Variants in RANBP17 observed in about 807,000 individuals in gnomAD.
The protein encoded by RANBP17 is RAN binding protein 17, also known as ran-binding protein 17.
A neutral mutation model predicts 141.2 loss-of-function variants in RANBP17; 158 were observed. The ratio of observed to expected loss-of-function variants is 1.12; its 90% confidence interval spans 0.98 to 1.28. The LOEUF is 1.28. Ranked by LOEUF, RANBP17 falls within the 50% of genes most tolerant of loss-of-function variation. RANBP17 has a pLI of 0.00. For missense variants in RANBP17, 1,438 were observed against 1,290.7 expected (o/e 1.11, Z -1.75); for synonymous variants, 430 against 450.0 (o/e 0.96, Z 0.56).
chr5:170,952,265 A>G (rs1253083632), intron 12 of RANBP17, among the ~76,000 whole-genome samples: 1 of 152,038 alleles, frequency 6.6e-6, no homozygotes, highest in Non-Finnish European at 1.5e-5. Flanking sequence ...CATGAATTGT[A>G]TGTCATGAAA....
At chr5:170,874,298 T>C (rs1387601045) in intron 1 of RANBP17, among the ~76,000 whole-genome samples, 2 of 152,072 alleles carry the variant, frequency 1.3e-5, no homozygotes, top group Admixed American at 6.5e-5. Context: ...ACTAGAAGAA[T>C]GTATATTCTG....
At chr5:171,024,275 T>C (rs1213798095) in intron 14 of RANBP17, among the ~76,000 whole-genome samples, 1 of 152,054 alleles carries the variant, frequency 6.6e-6, no homozygotes, top group Non-Finnish European at 1.5e-5. Context: ...AACATGAAAT[T>C]GCTGAGGTGG....
rs138575643 is a variant in RANBP17 at position 171,010,491 on chromosome 5, G to A, written c.1710+42114G>A. 2.0e-4 allele frequency among the ~76,000 whole-genome samples: 31 copies of A among 152,184 alleles called. No homozygotes were observed. In the East Asian group the frequency reaches 5.0e-3, roughly 25 times the overall value. ...CTGGAGGAAGCTAATACAATACAGAGTTCCAAGATTATATGAAGTGCCCAG... is the reference window on the plus strand; with the variant it reads ...CTGGAGGAAGCTAATACAATACAGAATTCCAAGATTATATGAAGTGCCCAG... On this transcript the variant is annotated intron_variant, in intron 14 of 27. Transcript: ENST00000523189.
chr5:171,173,498 G>T (rs1760237083), intron 16 of RANBP17, among the ~76,000 whole-genome samples: 1 of 151,998 alleles, frequency 6.6e-6, no homozygotes, highest in South Asian at 2.1e-4. Flanking sequence ...CATGTCTTCA[G>T]ATACTTTCTG....
At chr5:171,251,618 G>A (rs1002640624) in intron 24 of RANBP17, among the ~76,000 whole-genome samples, 1 of 151,998 alleles carries the variant, frequency 6.6e-6, no homozygotes. Flanking sequence ...TATAGTAAAA[G>A]CAGTGCTAAG....
At chr5:170,936,626 A>G (rs1773900660) in intron 12 of RANBP17, among the ~76,000 whole-genome samples, 1 of 152,158 alleles carries the variant, frequency 6.6e-6, no homozygotes, top group Non-Finnish European at 1.5e-5. Flanking sequence ...ATTTATTAAG[A>G]CTTGTCATAT....
rs188252604 is a variant in RANBP17 at position 171,265,706 on chromosome 5, T to C, written c.2802T>C (p.Cys934=). The C allele has an allele frequency of 1.1e-5, 17 of 1,613,610 alleles. No individual in the cohort carries two copies. In the East Asian group the frequency reaches 3.3e-4, roughly 32 times the overall value. ...ATACAGTTGTCTCCTCCAGCTGCTGTACCAGTTTAGACTACATCGTCACCT... is the reference window on the plus strand; with the variant it reads ...ATACAGTTGTCTCCTCCAGCTGCTGCACCAGTTTAGACTACATCGTCACCT... The part of the protein sequence containing the change: ...TLDTVVSSSC[C]TSLDYIVTYL... Residue 934 remains cysteine, a synonymous_variant, in exon 25 of 28, where the codon TGT becomes TGC. Coordinates refer to ENST00000523189, the MANE Select transcript of RANBP17 (RefSeq NM_022897.5).
chr5:170,985,885 C>A (rs1388106418), intron 14 of RANBP17, among the ~76,000 whole-genome samples: 1 of 152,036 alleles, frequency 6.6e-6, no homozygotes, highest in Non-Finnish European at 1.5e-5. Flanking sequence ...GGAGTGTATA[C>A]CTATGCTAGT....
intron 19 of RANBP17, among the ~76,000 whole-genome samples, chr5:171,201,421 C>A (rs1732106695): frequency 6.6e-6 from 1 of 152,208 alleles, no homozygotes; most frequent in South Asian, 2.1e-4. Flanking sequence ...AAGTGAGTAA[C>A]CTGAGAACTG....
intron 14 of RANBP17, among the ~76,000 whole-genome samples, chr5:171,039,747 C>G (rs1419149084): frequency 6.6e-6 from 1 of 152,042 alleles, no homozygotes; most frequent in Non-Finnish European, 1.5e-5. Flanking sequence ...TTATGAACAC[C>G]CCTGTTCACA....
intron 14 of RANBP17, among the ~76,000 whole-genome samples, chr5:171,038,978 T>A (rs1390535227): frequency 6.6e-6 from 1 of 152,102 alleles, no homozygotes; most frequent in Non-Finnish European, 1.5e-5. Flanking sequence ...ATTCCACCAT[T>A]TATGGGCACC....
intron 14 of RANBP17, among the ~76,000 whole-genome samples, chr5:171,089,753 C>A (rs1043057005): frequency 7.2e-5 from 11 of 152,038 alleles, no homozygotes; most frequent in Non-Finnish European, 1.6e-4. Context: ...TTCTTTGACT[C>A]GGAAAGGGAA....
intron 1 of RANBP17, among the ~76,000 whole-genome samples, chr5:170,865,088 A>G (rs1767130707): frequency 2.0e-5 from 3 of 151,900 alleles, no homozygotes; most frequent in Admixed American, 2.0e-4. Context: ...GTTTTTTGAG[A>G]CAGAATCTTG....
intron 25 of RANBP17, chr5:171,271,071 ATTTCTTTTTTTTTT>A (rs1767074852): frequency 4.1e-5 from 1 of 24,196 alleles, no homozygotes; most frequent in Non-Finnish European, 7.6e-5. Flanking sequence ...TTTTTATGTT[ATTTCTTTTTTTTTT>A]TTTTTTTTTT....
At chr5:171,240,155 AT>A (rs1764777627) in intron 22 of RANBP17, among the ~76,000 whole-genome samples, 1 of 150,152 alleles carries the variant, frequency 6.7e-6, no homozygotes. Flanking sequence ...ATTACTTTAT[AT>A]TTTTTTAAAA....
rs189499812 is a variant in RANBP17, at chr5:171,057,370, C to T, written c.1710+88993C>T. The stretch of plus-strand genomic sequence containing the variant: ...TTTTCATTTTGTACAATAAAGTTAG[C>T]ATATTTTATACATATTTATATAATT... On this transcript the variant is annotated intron_variant, in intron 14 of 27. Transcript: ENST00000523189. Among the ~76,000 whole-genome samples the T allele has an allele frequency of 4.1e-3, 618 of 152,124 alleles. 5 individuals carry two copies. Among genetic ancestry groups the T allele is most frequent in the African/African-American group, 0.014 (596 of 41,528 alleles).
chr5:171,220,435 A>G (rs1308296158), intron 21 of RANBP17, among the ~76,000 whole-genome samples: 1 of 126,944 alleles, frequency 7.9e-6, no homozygotes. Context: ...CCCTCCCCAG[A>G]TGATTCTTTT....
At chr5:170,981,624 A>G (rs1333762734) in intron 14 of RANBP17, among the ~76,000 whole-genome samples, 1 of 151,382 alleles carries the variant, frequency 6.6e-6, no homozygotes, top group Non-Finnish European at 1.5e-5. Context: ...GCCTTGTGCC[A>G]GGATTGTGAA....
At chr5:171,006,345 C>T (rs1308705122) in intron 14 of RANBP17, among the ~76,000 whole-genome samples, 3 of 152,062 alleles carry the variant, frequency 2.0e-5, no homozygotes, top group African/African-American at 4.8e-5. Context: ...TGGAACCAAG[C>T]CAAATGTCCA....
Sources: allele counts gnomAD v4.1 joint callset (sites outside exome capture counted in the v4.1 genomes callset), GRCh38; gene constraint gnomAD v4.1.1; transcripts MANE v1.5; gene names NCBI Gene and HGNC (gene_info 2026-07-23, HGNC 2026-07-21).